The following ACSBG2 variants were observed in gnomAD, a reference collection of about 807,000 sequenced individuals.
The protein encoded by ACSBG2 is long-chain-fatty-acid--CoA ligase ACSBG2.
A neutral mutation model predicts 74.7 loss-of-function variants in ACSBG2; 62 were observed. The ratio of observed to expected loss-of-function variants is 0.83; its 90% CI spans 0.68 to 1.03. The LOEUF is 1.03. ACSBG2 is among the 50% of genes least tolerant of loss of function. The probability of loss-of-function intolerance (pLI) is 0.00; values close to 1 mark genes in which losing one functional copy is unlikely to be tolerated. For synonymous variants in ACSBG2, 309 were observed against 294.1 expected (o/e 1.05, Z -0.52); for missense variants, 730 against 817.6 (o/e 0.89, Z 1.31).
At chr19:6,159,324 G>A (rs2089530484) in intron 5 of ACSBG2, among the ~76,000 whole-genome samples, 2 of 151,942 alleles carry the variant, frequency 1.3e-5, no homozygotes. Context: ...CCTCTTCCTA[G>A]CAGAACACAC....
chr19:6,146,210 C>T (rs2145023550), intron 2 of ACSBG2, among the ~76,000 whole-genome samples: 1 of 152,320 alleles, frequency 6.6e-6, no homozygotes, highest in South Asian at 2.1e-4. Flanking sequence ...TGGCTCATGC[C>T]TGTAATCCCG....
intron 5 of ACSBG2, among the ~76,000 whole-genome samples, 170 bp downstream of exon 5, chr19:6,156,721 A>T (rs934333319): frequency 2.0e-5 from 3 of 151,890 alleles, no homozygotes; most frequent in Admixed American, 1.3e-4. Context: ...ATTTTTGGAG[A>T]AGCAGACTGA....
intron 1 of ACSBG2, among the ~76,000 whole-genome samples, chr19:6,138,598 G>GGA: frequency 1.7e-5 from 1 of 57,504 alleles, no homozygotes; most frequent in Non-Finnish European, 3.5e-5. Context: ...AGGGAAGAGA[G>GGA]AGGGAGGAAG....
intron 2 of ACSBG2, among the ~76,000 whole-genome samples, chr19:6,144,442 A>G (rs1328169748): frequency 6.6e-6 from 1 of 152,232 alleles, no homozygotes; most frequent in African/African-American, 2.4e-5. Flanking sequence ...GCAGTGATGC[A>G]CCTACAAGCC....
intron 4 of ACSBG2, among the ~76,000 whole-genome samples, chr19:6,155,613 A>T (rs1002937490): frequency 6.6e-6 from 1 of 151,932 alleles, no homozygotes; most frequent in Non-Finnish European, 1.5e-5. Flanking sequence ...AACATGGTGA[A>T]ACACCTTCTC....
At chr19:6,181,015 T>C (rs1409716341) in intron 8 of ACSBG2, among the ~76,000 whole-genome samples, 1 of 140,916 alleles carries the variant, frequency 7.1e-6, no homozygotes, top group African/African-American at 2.7e-5. Flanking sequence ...CTGGCCAACA[T>C]GGTGAAACTC....
chr19:6,190,799 AT>A (rs1448392074), intron 14 of ACSBG2, 107 bp downstream of exon 14: 4 of 179,094 alleles, frequency 2.2e-5, no homozygotes, highest in African/African-American at 4.1e-5. Context: ...AAACACACAC[AT>A]ACACACATAC....
chr19:6,143,577 C>G (rs1049613863), intron 2 of ACSBG2, among the ~76,000 whole-genome samples: 37 of 151,592 alleles, frequency 2.4e-4, no homozygotes, highest in Admixed American at 3.9e-4. Flanking sequence ...CACCATGTAA[C>G]CCACTACAGT....
intron 7 of ACSBG2, among the ~76,000 whole-genome samples, chr19:6,173,663 A>G (rs890052613): frequency 5.9e-5 from 9 of 151,710 alleles, no homozygotes; most frequent in Admixed American, 5.3e-4. Flanking sequence ...TCCTTCCTCC[A>G]TTTTCAGTTC....
chr19:6,165,997 G>A lies in ACSBG2; in HGVS notation c.720G>A (p.Val240=). 6.2e-7 allele frequency: 1 copy of A among 1,614,078 alleles called. No homozygotes were observed. ...TSGTTGIPKG[V]MLSHDNITWI... ...GGACCACAGGCATACCCAAGGGAGT[G>A]ATGCTCAGTCATGACAACGTACGCC... is the stretch of plus-strand genomic sequence containing the variant. The change falls in exon 7 of 15, where the codon GTG becomes GTA. Residue 240 remains valine (V), a synonymous_variant. Transcript: ENST00000588485.
intron 1 of ACSBG2, among the ~76,000 whole-genome samples, chr19:6,141,060 A>C (rs2088809831): frequency 1.3e-5 from 2 of 152,062 alleles, no homozygotes; most frequent in Non-Finnish European, 2.9e-5. Context: ...TTTGTTGTTG[A>C]TCTCTTGATT....
At chr19:6,145,429 CAAAAAAA>C (rs34273390) in intron 2 of ACSBG2, among the ~76,000 whole-genome samples, 1 of 127,374 alleles carries the variant, frequency 7.9e-6, no homozygotes, top group Non-Finnish European at 1.7e-5. Context: ...GACTCCATCT[CAAAAAAA>C]AAAAAAAAAA....
chr19:6,161,398 T>C, intron 6 of ACSBG2, 103 bp downstream of exon 6: 2 of 1,074,724 alleles, frequency 1.9e-6, no homozygotes, highest in Non-Finnish European at 2.7e-6. Flanking sequence ...AGGTCGGACC[T>C]GGCAAGGGTG....
chr19:6,146,378 A>T (rs1476412092), intron 2 of ACSBG2, among the ~76,000 whole-genome samples: 1 of 151,202 alleles, frequency 6.6e-6, no homozygotes, highest in Non-Finnish European at 1.5e-5. Context: ...GTTGAGGCAG[A>T]AGAATCGCTT....
chr19:6,152,604 G>A (rs1264883980), intron 4 of ACSBG2, among the ~76,000 whole-genome samples: 5 of 144,646 alleles, frequency 3.5e-5, no homozygotes, highest in African/African-American at 5.2e-5. Context: ...TGCCCAGGCT[G>A]TAATCGTGAA....
chr19:6,185,413 T>C (rs774880709), intron 10 of ACSBG2, 23 bp from the exon 11 acceptor site: 9 of 1,613,128 alleles, frequency 5.6e-6, no homozygotes, highest in East Asian at 2.2e-5. Flanking sequence ...TGAGCCTGTT[T>C]CTCTGCTTCT....
chr19:6,150,532 G>A (rs1357201429), intron 3 of ACSBG2, among the ~76,000 whole-genome samples: 5 of 152,116 alleles, frequency 3.3e-5, no homozygotes, highest in Non-Finnish European at 7.3e-5. Flanking sequence ...AGGAAATTCT[G>A]ACACATGCTA....
chr19:6,187,979 A>G, intron 13 of ACSBG2, 134 bp downstream of exon 13: 5 of 1,322,634 alleles, frequency 3.8e-6, no homozygotes, highest in Non-Finnish European at 4.1e-6. Flanking sequence ...GGAGGCTGCC[A>G]CCTTCAGCTA....
At chr19:6,141,378 C>G in intron 1 of ACSBG2, 135 bp from the exon 2 acceptor site, 1 of 585,552 alleles carries the variant, frequency 1.7e-6, no homozygotes, top group Non-Finnish European at 3.1e-6. Flanking sequence ...CTCTCCTCTC[C>G]TCCCAGGCCC....
Sources: allele counts gnomAD v4.1 joint callset (sites outside exome capture counted in the v4.1 genomes callset), GRCh38; gene constraint gnomAD v4.1.1; transcripts MANE v1.5; gene names NCBI Gene and HGNC (gene_info 2026-07-23, HGNC 2026-07-21).